Variants in GREB1L observed in about 807,000 individuals in gnomAD.
GREB1L encodes the protein GREB1-like protein.
Under a neutral mutation model 200.8 loss-of-function variants are expected in GREB1L, and 17 were observed. The observed-to-expected ratio is 0.08, with a 90% confidence interval of 0.06 to 0.13. The LOEUF (loss-of-function observed/expected upper bound fraction) is 0.13, where lower values mean the gene tolerates loss of function less well. GREB1L is among the 10% of genes least tolerant of loss of function. The pLI is 1.00. For missense variants in GREB1L, 1,657 were observed against 2,367.7 expected, an observed-to-expected ratio of 0.70 and a Z score of 6.23; for synonymous variants, 789 against 893.0, an observed-to-expected ratio of 0.88 and a Z score of 2.08.
intron 1 of GREB1L, among the ~76,000 whole-genome samples, chr18:21,328,556 A>G (rs1306745700): frequency 6.6e-6 from 1 of 152,022 alleles, no homozygotes; most frequent in Non-Finnish European, 1.5e-5. Context: ...GTTCTGCCTA[A>G]CTTCTTCATT....
chr18:21,420,383 A>G (rs1416737971), intron 7 of GREB1L, among the ~76,000 whole-genome samples: 6 of 152,014 alleles, frequency 3.9e-5, no homozygotes, highest in East Asian at 1.9e-4. Flanking sequence ...CGAAAAAAAA[A>G]AAAAGAAAAG....
chr18:21,460,073 C>T (rs1280886997), intron 15 of GREB1L, among the ~76,000 whole-genome samples: 2 of 152,222 alleles, frequency 1.3e-5, no homozygotes, highest in Non-Finnish European at 2.9e-5. Flanking sequence ...CTTCAGGCCA[C>T]ACATATACAA....
At chr18:21,310,602 G>T (rs909187928) in intron 1 of GREB1L, among the ~76,000 whole-genome samples, 13 of 152,086 alleles carry the variant, frequency 8.5e-5, no homozygotes, top group South Asian at 2.1e-4. Context: ...CCATCTTAAT[G>T]TTATGATTAA....
chr18:21,426,453 T>A (rs2032585599), intron 7 of GREB1L, among the ~76,000 whole-genome samples: 1 of 152,218 alleles, frequency 6.6e-6, no homozygotes, highest in Non-Finnish European at 1.5e-5. Flanking sequence ...TTAAGATGAC[T>A]AAATTTTTTA....
chr18:21,462,437 C>T (rs148762596), intron 15 of GREB1L, among the ~76,000 whole-genome samples: 60 of 152,142 alleles, frequency 3.9e-4, no homozygotes, highest in African/African-American at 1.3e-3. Context: ...TTTATTTGTT[C>T]GTTTTGTTTT....
chr18:21,384,492 G>C, intron 4 of GREB1L, 89 bp downstream of exon 4: 9 of 1,003,548 alleles, frequency 9.0e-6, no homozygotes, highest in Non-Finnish European at 1.3e-5. Flanking sequence ...CTCAAGGCTG[G>C]AAACTAGTAA....
At chr18:21,389,168 G>C (rs1017969051) in intron 4 of GREB1L, among the ~76,000 whole-genome samples, 12 of 151,846 alleles carry the variant, frequency 7.9e-5, no homozygotes, top group African/African-American at 2.9e-4. Context: ...TTTATTGATG[G>C]GTTCATTCGT....
At chr18:21,440,198 C>T (rs547236863) in intron 8 of GREB1L, 71 bp from the exon 9 acceptor site, 26 of 1,450,390 alleles carry the variant, frequency 1.8e-5, no homozygotes, top group Non-Finnish European at 2.0e-5. Flanking sequence ...ATTACTCTGG[C>T]GTTCTTTCCT....
At chr18:21,440,121 C>A in intron 8 of GREB1L, 148 bp from the exon 9 acceptor site, 14 of 766,356 alleles carry the variant, frequency 1.8e-5, no homozygotes, top group East Asian at 2.9e-5. Flanking sequence ...TTTTTTTAAA[C>A]TTTACCTCTA....
At chr18:21,388,950 C>A (rs1447858006) in intron 4 of GREB1L, among the ~76,000 whole-genome samples, 4 of 152,030 alleles carry the variant, frequency 2.6e-5, no homozygotes, top group Non-Finnish European at 1.5e-5. Context: ...TACATACTAT[C>A]AACATGATTT....
intron 1 of GREB1L, among the ~76,000 whole-genome samples, chr18:21,270,986 A>T (rs1319035593): frequency 6.6e-6 from 1 of 152,250 alleles, no homozygotes; most frequent in Non-Finnish European, 1.5e-5. Context: ...TTGAGTTCAC[A>T]CAGTAAGTGC....
intron 1 of GREB1L, among the ~76,000 whole-genome samples, chr18:21,297,186 C>G (rs2038543625): frequency 6.6e-6 from 1 of 152,132 alleles, no homozygotes. Flanking sequence ...AACCCCTATA[C>G]ACATTAAAGT....
intron 1 of GREB1L, among the ~76,000 whole-genome samples, chr18:21,261,989 G>A (rs986209302): frequency 6.6e-6 from 1 of 151,952 alleles, no homozygotes; most frequent in Non-Finnish European, 1.5e-5. Context: ...CATGATTTAA[G>A]TATGACATAA....
At chr18:21,385,482 A>G (rs1332321364) in intron 4 of GREB1L, among the ~76,000 whole-genome samples, 1 of 152,126 alleles carries the variant, frequency 6.6e-6, no homozygotes. Flanking sequence ...CCAATTCACT[A>G]AAGGTGGCCT....
intron 7 of GREB1L, among the ~76,000 whole-genome samples, chr18:21,406,058 TAAA>T (rs34222462): frequency 2.4e-5 from 3 of 124,886 alleles, no homozygotes. Context: ...AGACCCTGTC[TAAA>T]AAAAAAAAAA....
intron 21 of GREB1L, 150 bp from the exon 22 acceptor site, chr18:21,499,579 T>C (rs1175615843): frequency 1.6e-5 from 10 of 626,856 alleles, no homozygotes; most frequent in East Asian, 8.2e-5. Flanking sequence ...CGGAGCAATG[T>C]GGAGAGCGGC....
intron 1 of GREB1L, among the ~76,000 whole-genome samples, chr18:21,310,108 T>G (rs1343208454): frequency 1.3e-5 from 2 of 152,226 alleles, no homozygotes; most frequent in Non-Finnish European, 2.9e-5. Flanking sequence ...TTAATTTAAC[T>G]TTTATTTAAA....
chr18:21,422,953 C>T (rs1295379446), intron 7 of GREB1L, among the ~76,000 whole-genome samples: 4 of 151,716 alleles, frequency 2.6e-5, no homozygotes, highest in East Asian at 1.9e-4. Flanking sequence ...TTTCTTTAGA[C>T]GGAGTCTTGC....
chr18:21,445,125 GC>G (rs942812841), intron 11 of GREB1L, among the ~76,000 whole-genome samples: 4 of 152,208 alleles, frequency 2.6e-5, no homozygotes, highest in African/African-American at 7.2e-5. Flanking sequence ...ATGGCAGTAG[GC>G]CATCTAATTA....
Sources: gnomAD v4.1 joint callset for allele counts (sites outside exome capture counted in the v4.1 genomes callset) on GRCh38, gnomAD v4.1.1 for gene constraint, MANE v1.5 for transcripts, NCBI Gene and HGNC (gene_info 2026-07-23, HGNC 2026-07-21) for gene names.